Variants in GABRR2 observed in about 807,000 individuals in gnomAD.
GABRR2 encodes gamma-aminobutyric acid type A receptor subunit rho2.
Under a neutral mutation model 47.0 loss-of-function variants are expected in GABRR2, and 36 were observed. The observed-to-expected ratio is 0.77, with a 90% CI of 0.59 to 1.01. The LOEUF (loss-of-function observed/expected upper bound fraction) is 1.01. Ranked by LOEUF, GABRR2 falls within the 50% of genes least tolerant of loss-of-function variation. The pLI is 0.00. For missense variants in GABRR2, 587 were observed against 594.6 expected (o/e 0.99, Z 0.13); for synonymous variants, 204 against 227.5 (o/e 0.90, Z 0.93).
chr6:89,309,820 C>T (rs1767649137), intron 1 of GABRR2, among the ~76,000 whole-genome samples: 1 of 152,074 alleles, frequency 6.6e-6, no homozygotes, highest in East Asian at 1.9e-4. Context: ...CTCTGTTACC[C>T]AGGCTGGAGT....
In GABRR2 at chr6:89,264,604, G is replaced by T; in HGVS notation, c.894C>A (p.Ile298=). The change falls in exon 8 of 9, where the codon ATC becomes ATA. Residue 298 remains isoleucine (I), a synonymous_variant. Coordinates refer to ENST00000402938, the MANE Select transcript of GABRR2 (RefSeq NM_002043.5). ...RAVPARVSLG[I]TTVLTMTTII... ...TGGTGGTCATGGTCAGCACCGTCGTGATACCTGCAACACCCGGCCTTAGTT... is the reference window on the plus strand; with the variant it reads ...TGGTGGTCATGGTCAGCACCGTCGTTATACCTGCAACACCCGGCCTTAGTT... The T allele has an allele frequency of 1.2e-6, 2 of 1,614,092 alleles. No homozygotes were observed. The highest frequency in any genetic ancestry group is 8.5e-7 in the Non-Finnish European group (1 of 1,179,980).
intron 2 of GABRR2, among the ~76,000 whole-genome samples, chr6:89,292,792 T>TATA (rs1483704952): frequency 1.9e-3 from 20 of 10,628 alleles, no homozygotes; most frequent in East Asian, 0.077. Context: ...ATATACGATA[T>TATA]ATCGTATATA....
At chr6:89,277,031 A>G (rs1018018356) in intron 2 of GABRR2, among the ~76,000 whole-genome samples, 7 of 152,206 alleles carry the variant, frequency 4.6e-5, no homozygotes, top group African/African-American at 1.7e-4. Flanking sequence ...AATATTCACT[A>G]TTTGACATGA....
At chr6:89,302,502 G>A (rs568060929) in intron 1 of GABRR2, 9 of 721,492 alleles carry the variant, frequency 1.2e-5, no homozygotes, top group Non-Finnish European at 2.1e-5. Flanking sequence ...TGTGCTTCCC[G>A]GGCCAGCTCA....
chr6:89,267,992 A>G, intron 5 of GABRR2, 22 bp downstream of exon 5: 1 of 1,604,994 alleles, frequency 6.2e-7, no homozygotes, highest in Admixed American at 1.7e-5. Flanking sequence ...AAAGTGAAGG[A>G]ATTAGGAATG....
chr6:89,310,297 C>G (rs1055603030), intron 1 of GABRR2, among the ~76,000 whole-genome samples: 6 of 152,190 alleles, frequency 3.9e-5, no homozygotes, highest in Non-Finnish European at 7.3e-5. Context: ...CCTGGTCCTA[C>G]AGGTGCTCTT....
Position 89,268,221 on chromosome 6 carries a change from A to T in GABRR2, c.513-125T>A, listed in dbSNP as rs192481980. ...CCTCACATCTGCTGCAGAAGTTTGG[A>T]AACAGTTATCTGAGTTATAGAACCT... On this transcript the variant is annotated intron_variant, in intron 4 of 8. Transcript: ENST00000402938. 1.4e-4 allele frequency: 100 copies of T among 729,876 alleles called. No homozygotes were observed. The African/African-American group carries it at 1.5e-3, about 11-fold the overall frequency. The allele number at this position is 729,876 out of a possible 1,614,324, so 45.2% of individuals were successfully genotyped here.
At chr6:89,291,249 G>A (rs78305117) in intron 2 of GABRR2, among the ~76,000 whole-genome samples, 4,092 of 152,032 alleles carry the variant, frequency 0.027, 173 homozygotes, top group African/African-American at 0.089. Flanking sequence ...GTGGCCTGGA[G>A]CATCCCTGAA....
In GABRR2 at chr6:89,257,953, G is replaced by T. The variant is rs1773645124; in HGVS notation, c.1115C>A (p.Ser372Ter). Residue 372 changes from serine to a stop codon, truncating the protein, a stop_gained, in exon 9 of 9, where the codon TCA becomes TAA. Transcript: ENST00000402938. LOFTEE classifies it high-confidence loss of function. ...KFPCMCGMLH[S>*]KTMMLDGSYS... ...GCTTCCATCCAGCATCATGGTTTTT[G>T]AATGAAGCATTCCACACATGCACGG... The T allele has an allele frequency of 6.2e-7, 1 of 1,613,648 alleles. No homozygotes were observed. Among genetic ancestry groups the T allele is most frequent in the African/African-American group, 1.3e-5 (1 of 74,896 alleles).
chr6:89,314,902 G>A lies in GABRR2; in HGVS notation c.113+151C>T. 1.5e-5 allele frequency: 10 copies of A among 674,662 alleles called. No individual in the cohort carries two copies. In the South Asian group the frequency reaches 1.9e-4, roughly 13 times the overall value. The allele number at this position is 674,662 out of a possible 1,614,324, so 41.8% of individuals were successfully genotyped here. On this transcript the variant is annotated intron_variant, in intron 1 of 8. Transcript: ENST00000402938. ...TGACACATAGAGTATGTGTGCCCAG[G>A]GAGAGGCTGCGTTCAGTGAAGTAGC... is the stretch of plus-strand genomic sequence containing the variant.
At chr6:89,278,898 G>C (rs2127838841) in intron 2 of GABRR2, among the ~76,000 whole-genome samples, 1 of 152,320 alleles carries the variant, frequency 6.6e-6, no homozygotes, top group African/African-American at 2.4e-5. Context: ...TGATGGCTTT[G>C]TGGTCCCACA....
In GABRR2 at chr6:89,271,694, T is replaced by C. The variant is rs282117; in HGVS notation, c.249A>G (p.Val83=). The C allele has an allele frequency of 0.61, 986,909 of 1,610,554 alleles. 304,709 individuals are homozygous for C. Among genetic ancestry groups the C allele is most frequent in the African/African-American group, 0.78 (58,681 of 74,898 alleles). ...AGATGCTGTCCAGGCTCTCCACCTG[T>C]ACGTCCACGCCCACCGGGATGGCAG... ...GGPAIPVGVD[V]QVESLDSISE... Residue 83 remains valine (V), a synonymous_variant, in exon 3 of 9, where the codon GTA becomes GTG. Transcript: ENST00000402938.
Position 89,268,108 on chromosome 6 carries a change from A to G in GABRR2, c.513-12T>C. 2 of 1,599,392 alleles carry G rather than the reference A, an allele frequency of 1.3e-6. No homozygotes were observed. The highest frequency in any genetic ancestry group is 1.7e-6 in the Non-Finnish European group (2 of 1,171,616). The stretch of plus-strand genomic sequence containing the variant: ...CAGTGACCGTAATCCTAGACAACCC[A>G]GAGTCACATATTGGCTTGTGCGGTG... On this transcript the variant is annotated splice_polypyrimidine_tract_variant and intron_variant, in intron 4 of 8. Transcript: ENST00000402938.
At chr6:89,282,704 G>A (rs1161446905) in intron 2 of GABRR2, among the ~76,000 whole-genome samples, 3 of 152,316 alleles carry the variant, frequency 2.0e-5, no homozygotes, top group South Asian at 2.1e-4. Context: ...TCCAACAGCA[G>A]CCCAAGCCCA....
chr6:89,289,277 A>G (rs1194280098), intron 2 of GABRR2, among the ~76,000 whole-genome samples: 1 of 152,154 alleles, frequency 6.6e-6, no homozygotes, highest in Non-Finnish European at 1.5e-5. Flanking sequence ...GCAGAGAGGT[A>G]TCGAGATCCA....
rs1773591109 is a variant in GABRR2, at chr6:89,255,926, T to G, written c.*1744A>C. The stretch of plus-strand genomic sequence containing the variant: ...AATTTAAATAATAATAATTATTATT[T>G]TAGAGATAGGGTCTCGCTCTGTCAC... On this transcript the variant is annotated 3_prime_UTR_variant, in exon 9 of 9. Coordinates refer to ENST00000402938, the MANE Select transcript of GABRR2 (RefSeq NM_002043.5). 6.6e-6 allele frequency among the ~76,000 whole-genome samples: 1 copy of G among 151,830 alleles called. No homozygotes were observed. The highest frequency in any genetic ancestry group is 1.5e-5 in the Non-Finnish European group (1 of 67,980).
chr6:89,281,349 T>C (rs551928520), intron 2 of GABRR2, among the ~76,000 whole-genome samples: 38 of 150,904 alleles, frequency 2.5e-4, no homozygotes, highest in African/African-American at 9.0e-4. Context: ...ACGAAAGGCA[T>C]TGGAGAACAT....
chr6:89,282,532 A>G (rs1774268108), intron 2 of GABRR2, among the ~76,000 whole-genome samples: 1 of 152,258 alleles, frequency 6.6e-6, no homozygotes, highest in Admixed American at 6.5e-5. Context: ...CATTGCTTCA[A>G]TATCCACCAT....
intron 2 of GABRR2, among the ~76,000 whole-genome samples, chr6:89,291,998 C>A (rs1454265940): frequency 6.6e-6 from 1 of 152,112 alleles, no homozygotes; most frequent in Non-Finnish European, 1.5e-5. Context: ...CATTAAACTG[C>A]CCTTCCAACT....
Sources: gnomAD v4.1 joint callset for allele counts (sites outside exome capture counted in the v4.1 genomes callset) on GRCh38, gnomAD v4.1.1 for gene constraint, MANE v1.5 for transcripts, NCBI Gene and HGNC (gene_info 2026-07-23, HGNC 2026-07-21) for gene names.